The following TBC1D9 variants were observed in gnomAD, a reference collection of about 807,000 sequenced individuals.
TBC1D9 encodes TBC1 domain family member 9.
A neutral mutation model predicts 132.0 loss-of-function variants in TBC1D9; 63 were observed. The ratio of observed to expected loss-of-function variants is 0.48; its 90% CI spans 0.39 to 0.59. The LOEUF is 0.59. Among genes scored for constraint, TBC1D9 ranks in the 20% least tolerant of loss-of-function variants. The pLI is 0.00. For missense variants in TBC1D9, 1,261 were observed against 1,592.7 expected, an observed-to-expected ratio of 0.79 and a Z score of 3.54; for synonymous variants, 610 against 609.9, an observed-to-expected ratio of 1.00 and a Z score of 0.00.
rs181086788 is a variant in TBC1D9 at position 140,662,441 on chromosome 4, G to T, written c.1589-334C>A. On this transcript the variant is annotated intron_variant, in intron 9 of 20. Coordinates refer to ENST00000442267, the MANE Select transcript of TBC1D9 (RefSeq NM_015130.3). ...ACAGGTGGGGAGGTCATCATAACAA[G>T]CCAGGCTGAGGCTTCACCTTCTCAT... 2.8e-3 allele frequency among the ~76,000 whole-genome samples: 434 copies of T among 152,298 alleles called. 1 individual carries two copies. Among genetic ancestry groups the T allele is most frequent in the Non-Finnish European group, 5.5e-3 (375 of 68,020 alleles).
chr4:140,676,787 A>T, intron 6 of TBC1D9, 107 bp downstream of exon 6: 1 of 1,446,394 alleles, frequency 6.9e-7, no homozygotes, highest in Non-Finnish European at 9.2e-7. Flanking sequence ...ACGCATGAAC[A>T]TTCACCTGTG....
chr4:140,741,297 G>A (rs1041635265), intron 1 of TBC1D9, among the ~76,000 whole-genome samples: 2 of 152,282 alleles, frequency 1.3e-5, no homozygotes, highest in African/African-American at 4.8e-5. Context: ...ATTTAAAGTG[G>A]CCCTGCAAAG....
chr4:140,684,157 T>C (rs908291987), intron 3 of TBC1D9, among the ~76,000 whole-genome samples: 3 of 151,980 alleles, frequency 2.0e-5, no homozygotes, highest in African/African-American at 7.3e-5. Flanking sequence ...CTTCCAGCAC[T>C]TTGGGAAGCT....
chr4:140,668,810 G>T, intron 9 of TBC1D9, 107 bp downstream of exon 9: 2 of 1,123,112 alleles, frequency 1.8e-6, no homozygotes, highest in South Asian at 1.6e-5. Context: ...TTCAACTGGG[G>T]GATGCATATT....
Position 140,624,343 on chromosome 4 carries a change from A to G in TBC1D9, c.2945T>C (p.Phe982Ser). 6.2e-7 allele frequency: 1 copy of G among 1,613,924 alleles called. No individual in the cohort carries two copies. Among genetic ancestry groups the G allele is most frequent in the Non-Finnish European group, 8.5e-7 (1 of 1,179,868 alleles). ...GTCTGGCTTTAGGCTCACCGTAACA[A>G]AGCCATCATCTGCACCCTGTTTGCT... ...SRSKQGADDG[F>S]VTVSLKPDKG... The change falls in exon 19 of 21, where the codon TTT becomes TCT. Residue 982 changes from phenylalanine (F) to serine (S), a missense_variant. Physicochemically the swap from Phe to Ser is radical, Grantham distance 155. Around this residue, in one of 3 missense-constraint regions of TBC1D9, gnomAD observed 618 missense variants for 724.4 expected, o/e 0.85. Transcript: ENST00000442267.
chr4:140,694,083 T>C (rs1413827297), intron 2 of TBC1D9, among the ~76,000 whole-genome samples: 1 of 152,228 alleles, frequency 6.6e-6, no homozygotes, highest in African/African-American at 2.4e-5. Flanking sequence ...ATTATATGTA[T>C]ATTCTTTGAT....
intron 1 of TBC1D9, among the ~76,000 whole-genome samples, chr4:140,732,562 C>G (rs892067100): frequency 2.6e-5 from 4 of 152,196 alleles, no homozygotes; most frequent in African/African-American, 9.7e-5. Context: ...CTGCTCAGTT[C>G]TTTCTTCCTC....
At position 140,661,371 on chromosome 4, in the gene TBC1D9, T is replaced by C. The variant is rs368954745; in HGVS notation, c.1803+522A>G. On this transcript the variant is annotated intron_variant, in intron 10 of 20. Transcript: ENST00000442267. ...TGTGTATTAAGACATAACCCTAGCATATAAAAGCTCTATTCAAGGACATTA... is the reference window on the plus strand; with the variant it reads ...TGTGTATTAAGACATAACCCTAGCACATAAAAGCTCTATTCAAGGACATTA... Among the ~76,000 whole-genome samples the C allele has an allele frequency of 1.1e-3, 162 of 152,322 alleles. 1 individual carries two copies. Among genetic ancestry groups the C allele is most frequent in the Middle Eastern group, 3.4e-3 (1 of 294 alleles).
At chr4:140,652,281 T>C (rs1172665174) in intron 13 of TBC1D9, among the ~76,000 whole-genome samples, 2 of 151,732 alleles carry the variant, frequency 1.3e-5, no homozygotes, top group Non-Finnish European at 2.9e-5. Context: ...AATACATGAA[T>C]AGACAAATGC....
intron 13 of TBC1D9, chr4:140,642,376 A>C: frequency 1.2e-6 from 1 of 838,876 alleles, no homozygotes; most frequent in Non-Finnish European, 2.0e-6. Context: ...CCTTCTCTGG[A>C]AGATTTCAGA....
rs752927234 is a variant in TBC1D9 at position 140,631,660 on chromosome 4, G to A, written c.2746+2288C>T. On this transcript the variant is annotated intron_variant, in intron 16 of 20. Coordinates refer to ENST00000442267, the MANE Select transcript of TBC1D9 (RefSeq NM_015130.3). ...CGTCCAGGCTGGAGTGCTGTGGCAC[G>A]ATGTCTGCTCACTGCAATCTCTGCC... Among the ~76,000 whole-genome samples, 7 of 150,672 alleles carry A rather than the reference G, an allele frequency of 4.6e-5. No individual in the cohort carries two copies. The East Asian group carries it at 7.8e-4, about 17-fold the overall frequency.
intron 18 of TBC1D9, 124 bp from the exon 19 acceptor site, chr4:140,624,512 CAA>C (rs11307081): frequency 5.8e-6 from 4 of 689,816 alleles, no homozygotes; most frequent in Non-Finnish European, 9.4e-6. Flanking sequence ...AACAAACAAA[CAA>C]AAAAAAACTC....
chr4:140,705,259 C>T (rs1233749722), intron 1 of TBC1D9, among the ~76,000 whole-genome samples: 1 of 152,216 alleles, frequency 6.6e-6, no homozygotes, highest in Admixed American at 6.5e-5. Context: ...CAGCAGCAAA[C>T]TCCTAATCTT....
At chr4:140,698,006 G>A (rs1394283468) in intron 2 of TBC1D9, among the ~76,000 whole-genome samples, 13 of 152,168 alleles carry the variant, frequency 8.5e-5, no homozygotes, top group Non-Finnish European at 1.8e-4. Context: ...AGGCTGCAGC[G>A]TCCTTTTCAC....
At chr4:140,713,794 G>C (rs1486873974) in intron 1 of TBC1D9, among the ~76,000 whole-genome samples, 2 of 151,228 alleles carry the variant, frequency 1.3e-5, no homozygotes, top group African/African-American at 4.9e-5. Context: ...TATACTATTG[G>C]AACTATACAC....
chr4:140,647,599 T>C (rs1384747755), intron 13 of TBC1D9, among the ~76,000 whole-genome samples: 1 of 152,232 alleles, frequency 6.6e-6, no homozygotes, highest in Non-Finnish European at 1.5e-5. Context: ...ATATTAAACA[T>C]TGGCTTTGTA....
intron 13 of TBC1D9, among the ~76,000 whole-genome samples, chr4:140,649,619 C>T (rs970311475): frequency 7.9e-5 from 12 of 152,134 alleles, no homozygotes; most frequent in South Asian, 2.1e-4. Flanking sequence ...CAGGGAGCTT[C>T]GAAGGAGCAG....
chr4:140,643,574 G>A lies in TBC1D9; in HGVS notation c.2338-4146C>T, dbSNP rs1484929917. On this transcript the variant is annotated intron_variant, in intron 13 of 20. Transcript: ENST00000442267. The stretch of plus-strand genomic sequence containing the variant: ...ACATTTCTAGGCTGGGCTGGGGCTC[G>A]CTCAGGGCCGCCTGGGCCAGGCCTT... The A allele has an allele frequency of 2.7e-5, 24 of 890,560 alleles. No individual in the cohort carries two copies. The East Asian group carries it at 6.1e-4, about 23-fold the overall frequency. The allele number at this position is 890,560 out of a possible 1,614,324, so 55.2% of individuals were successfully genotyped here. A position where few individuals can be genotyped will look rare whatever the true frequency, so the allele number is the denominator to read the frequency against.
In TBC1D9 at chr4:140,679,933, A is replaced by AT. The variant is rs1737679629; in HGVS notation, c.361-91dup. 4.6e-6 allele frequency: 5 copies of AT among 1,098,156 alleles called. No homozygotes were observed. In the Admixed American group the frequency reaches 1.3e-4, roughly 28 times the overall value. 68.0% of individuals were successfully genotyped at this position (1,098,156 alleles called of 1,614,324 possible). A position where few individuals can be genotyped will look rare whatever the true frequency, so the allele number is the denominator to read the frequency against. ...AGAAGAAAAAATTTCTAAGGCTAGAATTAAAAAAAAAAATTGAGGAATGCC... is the reference window on the plus strand; with the variant it reads ...AGAAGAAAAAATTTCTAAGGCTAGAATTTAAAAAAAAAAATTGAGGAATGCC... On this transcript the variant is annotated intron_variant, in intron 3 of 20. Coordinates refer to ENST00000442267, the MANE Select transcript of TBC1D9 (RefSeq NM_015130.3).
Sources: allele counts gnomAD v4.1 joint callset (sites outside exome capture counted in the v4.1 genomes callset), GRCh38; gene constraint gnomAD v4.1.1; regional missense constraint gnomAD v4.1.1; transcripts MANE v1.5; gene names NCBI Gene and HGNC (gene_info 2026-07-23, HGNC 2026-07-21).